ATG4B: variants seen among roughly 807,000 people sequenced by gnomAD.
The protein encoded by ATG4B is autophagy related 4B cysteine peptidase.
Under a neutral mutation model 56.6 loss-of-function variants are expected in ATG4B, and 29 were observed. The observed-to-expected ratio is 0.51, with a 90% confidence interval of 0.38 to 0.70. The LOEUF (loss-of-function observed/expected upper bound fraction) is 0.70, where lower values mean the gene tolerates loss of function less well. Among genes scored for constraint, ATG4B ranks in the 30% least tolerant of loss-of-function variants. The pLI is 0.00. For missense variants in ATG4B, 461 were observed against 515.5 expected (o/e 0.89, Z 1.02); for synonymous variants, 224 against 206.1 (o/e 1.09, Z -0.74).
chr2:241,642,979 T>A (rs1437253540), intron 1 of ATG4B, among the ~76,000 whole-genome samples: 4 of 142,956 alleles, frequency 2.8e-5, no homozygotes, highest in Non-Finnish European at 6.1e-5. Context: ...GCCTCCTGGG[T>A]TCAAGAGATT....
At chr2:241,660,101 A>G (rs1004261813) in intron 7 of ATG4B, among the ~76,000 whole-genome samples, 1 of 152,186 alleles carries the variant, frequency 6.6e-6, no homozygotes, top group Non-Finnish European at 1.5e-5. Context: ...GAGGCAGAAG[A>G]ATCGCTTGAA....
intron 8 of ATG4B, among the ~76,000 whole-genome samples, chr2:241,667,529 A>G (rs539654751): frequency 2.6e-5 from 4 of 151,458 alleles, no homozygotes; most frequent in African/African-American, 4.8e-5. Context: ...TCTTGAACCC[A>G]GGAGGCGGAG....
At chr2:241,657,128 A>C (rs1158080809) in intron 6 of ATG4B, among the ~76,000 whole-genome samples, 1 of 150,804 alleles carries the variant, frequency 6.6e-6, no homozygotes, top group Non-Finnish European at 1.5e-5. Context: ...GGCACCCGCC[A>C]CCATGCCCAG....
At chr2:241,639,860 G>T (rs78208736) in intron 1 of ATG4B, among the ~76,000 whole-genome samples, 20,771 of 152,218 alleles carry the variant, frequency 0.14, 1,703 homozygotes, top group East Asian at 0.34. Context: ...GAAGGGTGGG[G>T]ATTAATTAGA....
intron 7 of ATG4B, among the ~76,000 whole-genome samples, chr2:241,660,157 T>C (rs914221649): frequency 5.3e-5 from 8 of 152,082 alleles, no homozygotes; most frequent in African/African-American, 1.9e-4. Context: ...GCCACTGCAC[T>C]CCAGCCTGGC....
chr2:241,667,896 G>A (rs570943806), intron 8 of ATG4B: 47 of 482,214 alleles, frequency 9.7e-5, no homozygotes, highest in Non-Finnish European at 1.6e-4. Flanking sequence ...CCTCACTCCC[G>A]GCCTCCCCAA....
At chr2:241,646,828 G>A (rs2068075096) in intron 1 of ATG4B, among the ~76,000 whole-genome samples, 1 of 148,900 alleles carries the variant, frequency 6.7e-6, no homozygotes, top group Non-Finnish European at 1.5e-5. Context: ...TCCCACCTGG[G>A]CTGGAATGCA....
intron 5 of ATG4B, 147 bp downstream of exon 5, chr2:241,654,794 G>A (rs982804609): frequency 1.4e-5 from 9 of 662,730 alleles, no homozygotes; most frequent in Admixed American, 2.7e-5. Context: ...CCATCTGTGC[G>A]CTGCTGTCAC....
chr2:241,651,236 TG>T lies in ATG4B; in HGVS notation c.113-27del, dbSNP rs1553564462. On this transcript the variant is annotated intron_variant, in intron 2 of 12. Transcript: ENST00000404914. This position sits in a 1 kb window ranked among gnomAD's most constrained non-coding sequence, Gnocchi z 4.1. Reference sequence around the variant, plus strand: ...GCAAACTTAAGGCGTTGTGTGTGTGTGTTTTTTTTCTTTTAAACAACCTCTA... The same window carrying T: ...GCAAACTTAAGGCGTTGTGTGTGTGTTTTTTTTTCTTTTAAACAACCTCTA... 6.3e-7 allele frequency: 1 copy of T among 1,577,140 alleles called. No homozygotes were observed. The highest frequency in any genetic ancestry group is 8.6e-7 in the Non-Finnish European group (1 of 1,159,002).
At chr2:241,652,911 A>G (rs898478527) in intron 3 of ATG4B, among the ~76,000 whole-genome samples, 4 of 152,220 alleles carry the variant, frequency 2.6e-5, no homozygotes, top group Non-Finnish European at 2.9e-5. Context: ...TGTCTGCTGC[A>G]CAGGTGGCCC....
chr2:241,662,630 G>A (rs1008076901), intron 7 of ATG4B, among the ~76,000 whole-genome samples: 5 of 152,164 alleles, frequency 3.3e-5, no homozygotes, highest in African/African-American at 9.7e-5. Flanking sequence ...TCATGTGTTC[G>A]ATCATATTCC....
intron 1 of ATG4B, among the ~76,000 whole-genome samples, chr2:241,649,373 A>G (rs1461568811): frequency 6.6e-6 from 1 of 152,238 alleles, no homozygotes; most frequent in Non-Finnish European, 1.5e-5. Flanking sequence ...AGTCTTCAGA[A>G]TTTTTTATGA....
intron 1 of ATG4B, among the ~76,000 whole-genome samples, chr2:241,647,488 G>A (rs2068097088): frequency 6.6e-6 from 1 of 151,960 alleles, no homozygotes; most frequent in Admixed American, 6.6e-5. Flanking sequence ...AGGCGTGGTG[G>A]CGGGCGCTTG....
rs1256463623 is a variant in ATG4B at position 241,651,981 on chromosome 2, G to A, written c.184+646G>A. 1.5e-6 allele frequency: 2 copies of A among 1,303,830 alleles called. No homozygotes were observed. Among genetic ancestry groups the A allele is most frequent in the Admixed American group, 4.6e-5 (2 of 43,556 alleles). The allele number at this position is 1,303,830 out of a possible 1,614,324, so 80.8% of individuals were successfully genotyped here. ...CGGAGAACTGAGGCCGGAGGTGAGG[G>A]CCGGGCTGGCGTCATGCTTCCTCAG... On this transcript the variant is annotated intron_variant, in intron 3 of 12. Transcript: ENST00000404914. This position sits in a 1 kb window ranked among gnomAD's most constrained non-coding sequence, Gnocchi z 4.1.
chr2:241,646,351 A>G (rs988105114), intron 1 of ATG4B, among the ~76,000 whole-genome samples: 1 of 152,150 alleles, frequency 6.6e-6, no homozygotes, highest in African/African-American at 2.4e-5. Flanking sequence ...ATGGGAAACT[A>G]GACATCCTAG....
rs2068941854 is a variant in ATG4B, at chr2:241,670,742, C to G, written c.974C>G (p.Thr325Ser). ...PSIAVGFFCKTEDDFNDWCQQ... is the reference protein window; with the variant it reads ...PSIAVGFFCKSEDDFNDWCQQ... ...TCGTTTTAGGGGTTTTTCTGTAAGA[C>G]TGAAGATGACTTCAATGATTGGTGC... The change falls in exon 11 of 13, where the codon ACT (threonine) becomes AGT (serine). Residue 325 changes from threonine to serine, a missense_variant. Transcript: ENST00000404914. 6.2e-7 allele frequency: 1 copy of G among 1,611,048 alleles called. No homozygotes were observed. The highest frequency in any genetic ancestry group is 1.3e-5 in the African/African-American group (1 of 74,904).
rs138661495 is a variant in ATG4B at position 241,668,768 on chromosome 2, G to GTT, written c.957+92_957+93dup. 0.02 allele frequency: 26,987 copies of GTT among 1,371,772 alleles called. 33 individuals are homozygous for GTT. Among genetic ancestry groups the GTT allele is most frequent in the Non-Finnish European group, 0.023 (24,189 of 1,036,286 alleles). The allele number at this position is 1,371,772 out of a possible 1,614,324, so 85.0% of individuals were successfully genotyped here. A position where few individuals can be genotyped will look rare whatever the true frequency, so the allele number is the denominator to read the frequency against. On this transcript the variant is annotated intron_variant, in intron 10 of 12. Coordinates refer to ENST00000404914, the MANE Select transcript of ATG4B (RefSeq NM_013325.5). The surrounding 1 kb of genome is among the most constrained non-coding windows in gnomAD (Gnocchi z 4.2). ...ACGAGGAAAACTTTCGGATTTTTGC[G>GTT]TTTTTTTTTTCAGCATGTTGGGATA...
chr2:241,641,671 T>C (rs2067895076), intron 1 of ATG4B, among the ~76,000 whole-genome samples: 1 of 152,208 alleles, frequency 6.6e-6, no homozygotes, highest in South Asian at 2.1e-4. Context: ...TTAGACATCC[T>C]TGTAGAGCAG....
chr2:241,650,902 G>A, intron 1 of ATG4B, 108 bp from the exon 2 acceptor site: 1 of 905,298 alleles, frequency 1.1e-6, no homozygotes, highest in Non-Finnish European at 1.7e-6. Flanking sequence ...GCTGTTACAA[G>A]AATTTACAGT....
Sources: allele counts gnomAD v4.1 joint callset (sites outside exome capture counted in the v4.1 genomes callset), GRCh38; gene constraint gnomAD v4.1.1; non-coding constraint Gnocchi (gnomAD v3.1); transcripts MANE v1.5; gene names NCBI Gene and HGNC (gene_info 2026-07-23, HGNC 2026-07-21).